Variants in CNTNAP4 observed in about 807,000 individuals in gnomAD.
CNTNAP4 encodes the protein contactin associated protein family member 4, also known as contactin-associated protein-like 4.
In CNTNAP4, 98 loss-of-function variants were observed where a neutral mutation model predicts 148.4. The observed-to-expected ratio is 0.66, with a 90% CI of 0.56 to 0.78. The LOEUF (loss-of-function observed/expected upper bound fraction) is 0.78. Among genes scored for constraint, CNTNAP4 ranks in the 30% least tolerant of loss-of-function variants. The pLI, the probability that CNTNAP4 is intolerant of heterozygous loss-of-function variation, is 0.00. For missense variants in CNTNAP4, 1,935 were observed against 1,565.6 expected (o/e 1.24, Z -3.98); for synonymous variants, 730 against 565.1 (o/e 1.29, Z -4.14).
chr16:76,326,854 A>G (rs1963032794), intron 2 of CNTNAP4, among the ~76,000 whole-genome samples: 1 of 152,044 alleles, frequency 6.6e-6, no homozygotes, highest in African/African-American at 2.4e-5. Flanking sequence ...ATGCTAAATG[A>G]CGAGTTAATG....
intron 23 of CNTNAP4, among the ~76,000 whole-genome samples, 160 bp downstream of exon 23, chr16:76,554,067 C>T (rs2085086578): frequency 6.6e-6 from 1 of 152,174 alleles, no homozygotes; most frequent in South Asian, 2.1e-4. Flanking sequence ...ACTGGATTGT[C>T]TTTAGAATCT....
At position 76,553,452 on chromosome 16, in the gene CNTNAP4, C is replaced by T. The variant is rs200509023; in HGVS notation, c.3612C>T (p.Ala1204=). The part of the protein sequence containing the change: ...TGHVTESSCM[A]QPGTDATSRE... The stretch of plus-strand genomic sequence containing the variant: ...ACGTGACTGAGTCCAGCTGTATGGC[C>T]CAGCCTGGCACTGATGCCACATCAA... The change falls in exon 22 of 24, where the codon GCC becomes GCT. Residue 1204 remains alanine, a synonymous_variant. Coordinates refer to ENST00000611870, the MANE Select transcript of CNTNAP4 (RefSeq NM_033401.5). 886 of 1,612,558 alleles carry T rather than the reference C, an allele frequency of 5.5e-4. 2 individuals carry two copies. Among genetic ancestry groups the T allele is most frequent in the Non-Finnish European group, 6.7e-4 (792 of 1,179,324 alleles).
At chr16:76,371,962 A>C (rs1051065688) in intron 3 of CNTNAP4, among the ~76,000 whole-genome samples, 8 of 152,048 alleles carry the variant, frequency 5.3e-5, no homozygotes, top group African/African-American at 1.9e-4. Flanking sequence ...TCACTTAATC[A>C]TCTCTAAGTT....
intron 2 of CNTNAP4, among the ~76,000 whole-genome samples, chr16:76,316,960 T>G (rs1961824528): frequency 6.6e-6 from 1 of 152,048 alleles, no homozygotes; most frequent in African/African-American, 2.4e-5. Flanking sequence ...ATAATAAGAT[T>G]TTCATGGTCC....
At chr16:76,494,116 G>A (rs2082321091) in intron 13 of CNTNAP4, among the ~76,000 whole-genome samples, 1 of 150,658 alleles carries the variant, frequency 6.6e-6, no homozygotes, top group African/African-American at 2.4e-5. Flanking sequence ...TTGGCTACAT[G>A]CTTCACGTCC....
intron 15 of CNTNAP4, among the ~76,000 whole-genome samples, chr16:76,517,037 T>C (rs994886419): frequency 3.3e-5 from 5 of 152,220 alleles, no homozygotes; most frequent in African/African-American, 1.2e-4. Context: ...CTTTCCATCC[T>C]GGGTGAGAGC....
At chr16:76,358,192 T>G (rs1266609965) in intron 3 of CNTNAP4, among the ~76,000 whole-genome samples, 1 of 152,042 alleles carries the variant, frequency 6.6e-6, no homozygotes, top group African/African-American at 2.4e-5. Flanking sequence ...AAAAGTTAGC[T>G]GGGCATGGTG....
In CNTNAP4 at chr16:76,448,764, A is replaced by C; in HGVS notation, c.743-3A>C. The C allele has an allele frequency of 6.3e-7, 1 of 1,595,664 alleles. No homozygotes were observed. The highest frequency in any genetic ancestry group is 8.5e-7 in the Non-Finnish European group (1 of 1,171,094). On this transcript the variant is annotated splice_polypyrimidine_tract_variant and splice_region_variant and intron_variant, in intron 5 of 23. Transcript: ENST00000611870. ...GGTGCTGTTATTTTTCTCCTCTTCT[A>C]AGGTGAAGCTAAACTGCCTTCCACT...
rs1490642899 is a variant in CNTNAP4, at chr16:76,395,070, A to C, written c.391-32382A>C. Reference sequence around the variant, plus strand: ...CAAAATTGTATGTTTGAAACGGTTTACTTCTGATGGCAAAACGTGACTCTC... The same window carrying C: ...CAAAATTGTATGTTTGAAACGGTTTCCTTCTGATGGCAAAACGTGACTCTC... On this transcript the variant is annotated intron_variant, in intron 3 of 23. Transcript: ENST00000611870. Among the ~76,000 whole-genome samples the C allele has an allele frequency of 5.3e-5, 8 of 152,244 alleles. No homozygotes were observed. In the East Asian group the frequency reaches 1.5e-3, roughly 29 times the overall value.
In CNTNAP4 at chr16:76,427,611, T is replaced by C. The variant is rs1403950217; in HGVS notation, c.538+12T>C. 2 of 1,598,948 alleles carry C rather than the reference T, an allele frequency of 1.3e-6. No individual in the cohort carries two copies. Among genetic ancestry groups the C allele is most frequent in the African/African-American group, 1.3e-5 (1 of 74,322 alleles). On this transcript the variant is annotated intron_variant, in intron 4 of 23. Coordinates refer to ENST00000611870, the MANE Select transcript of CNTNAP4 (RefSeq NM_033401.5). Reference sequence around the variant, plus strand: ...CGGATGTGCATACAGTAAGTGTTTGTTTATCCAATACACTGACATAGATAT... The same window carrying C: ...CGGATGTGCATACAGTAAGTGTTTGCTTATCCAATACACTGACATAGATAT...
At chr16:76,518,589 C>T (rs1338790199) in intron 15 of CNTNAP4, among the ~76,000 whole-genome samples, 1 of 149,602 alleles carries the variant, frequency 6.7e-6, no homozygotes, top group Admixed American at 6.7e-5. Context: ...TATTTTGTTA[C>T]ATGCATAGAA....
intron 2 of CNTNAP4, among the ~76,000 whole-genome samples, chr16:76,336,143 T>C (rs1233640700): frequency 2.0e-5 from 3 of 152,102 alleles, no homozygotes; most frequent in Non-Finnish European, 2.9e-5. Flanking sequence ...GATGATTAGG[T>C]TGATTTTCTA....
At chr16:76,287,594 G>T (rs766781610) in intron 1 of CNTNAP4, 1 of 152,106 alleles carries the variant, frequency 6.6e-6, no homozygotes, top group Non-Finnish European at 1.5e-5. Context: ...TAGCAAAATC[G>T]AGCCTCCTGT....
At chr16:76,380,887 A>G (rs992952142) in intron 3 of CNTNAP4, among the ~76,000 whole-genome samples, 1 of 152,198 alleles carries the variant, frequency 6.6e-6, no homozygotes, top group Non-Finnish European at 1.5e-5. Flanking sequence ...GAATGCCAAG[A>G]AAAAATTATG....
chr16:76,513,244 C>G (rs555954240), intron 15 of CNTNAP4, among the ~76,000 whole-genome samples: 1 of 152,242 alleles, frequency 6.6e-6, no homozygotes, highest in Non-Finnish European at 1.5e-5. Flanking sequence ...GAGGAGGTCA[C>G]TTCTGTCTTC....
chr16:76,316,931 T>C (rs1398041934), intron 2 of CNTNAP4, among the ~76,000 whole-genome samples: 6 of 152,138 alleles, frequency 3.9e-5, no homozygotes, highest in Admixed American at 1.3e-4. Context: ...GATTTTCTTA[T>C]CAGCTGAAGA....
At chr16:76,340,845 T>C (rs1467268147) in intron 2 of CNTNAP4, among the ~76,000 whole-genome samples, 3 of 152,186 alleles carry the variant, frequency 2.0e-5, no homozygotes, top group Non-Finnish European at 4.4e-5. Flanking sequence ...CAAGGAGATA[T>C]GTCTGCACTG....
chr16:76,548,295 C>CATTTTTTTTTTTTTTTTTTTTTTT (rs759580311), intron 21 of CNTNAP4, among the ~76,000 whole-genome samples: 7 of 92,908 alleles, frequency 7.5e-5, no homozygotes, highest in Non-Finnish European at 1.0e-4. Flanking sequence ...TTCACTGCAC[C>CATTTTTTTTTTTTTTTTTTTTTTT]TTTTTTTTTT....
chr16:76,314,468 T>C (rs900057754), intron 1 of CNTNAP4, among the ~76,000 whole-genome samples: 20 of 152,192 alleles, frequency 1.3e-4, no homozygotes, highest in Non-Finnish European at 2.8e-4. Context: ...CACACATATG[T>C]ATAGGATTAG....
Sources: allele counts gnomAD v4.1 joint callset (sites outside exome capture counted in the v4.1 genomes callset), GRCh38; gene constraint gnomAD v4.1.1; transcripts MANE v1.5; gene names NCBI Gene and HGNC (gene_info 2026-07-23, HGNC 2026-07-21).